The following CGNL1 variants were observed in gnomAD, a reference collection of about 807,000 sequenced individuals.
The protein encoded by CGNL1 is cingulin like 1.
Under a neutral mutation model 141.2 loss-of-function variants are expected in CGNL1, and 132 were observed. That is an observed-to-expected ratio of 0.93 (90% CI 0.81 to 1.08). The LOEUF is 1.08. CGNL1 is among the 50% of genes least tolerant of loss of function. The probability of loss-of-function intolerance (pLI) is 0.00; values close to 1 mark genes in which losing one functional copy is unlikely to be tolerated. For synonymous variants in CGNL1, 690 were observed against 622.1 expected, an observed-to-expected ratio of 1.11 and a Z score of -1.63; for missense variants, 1,870 against 1,588.6, an observed-to-expected ratio of 1.18 and a Z score of -3.01.
intron 4 of CGNL1, among the ~76,000 whole-genome samples, chr15:57,446,633 A>T (rs1242061812): frequency 3.4e-5 from 5 of 146,672 alleles, no homozygotes; most frequent in Admixed American, 3.4e-4. Flanking sequence ...TCTGGTATTT[A>T]GCTGCTAGGT....
chr15:57,514,440 C>A (rs185536505), intron 8 of CGNL1, among the ~76,000 whole-genome samples: 1 of 152,252 alleles, frequency 6.6e-6, no homozygotes, highest in East Asian at 1.9e-4. Flanking sequence ...CGTAACCCAC[C>A]GCACCTGGCC....
intron 4 of CGNL1, among the ~76,000 whole-genome samples, chr15:57,449,258 C>T (rs2063293378): frequency 6.6e-6 from 1 of 152,158 alleles, no homozygotes; most frequent in Non-Finnish European, 1.5e-5. Flanking sequence ...ATTGTAGGTT[C>T]TTGGAACTTC....
rs1304404577 is a variant in CGNL1 at position 57,550,155 on chromosome 15, C to G, written c.*2665C>G. The G allele has an allele frequency of 6.6e-6, 1 of 152,246 alleles. No individual in the cohort carries two copies. The highest frequency in any genetic ancestry group is 1.5e-5 in the Non-Finnish European group (1 of 68,038). 9.4% of individuals were successfully genotyped at this position (152,246 alleles called of 1,614,324 possible). On this transcript the variant is annotated 3_prime_UTR_variant, in exon 19 of 19. Transcript: ENST00000281282. ...TATGCGTTTTGACAATTGCGCTATC[C>G]TACACTCTGAGGGAGTTGGCAACGC... is the stretch of plus-strand genomic sequence containing the variant.
At chr15:57,394,099 C>CTTTTTTTTTTTT (rs1555429893) in intron 1 of CGNL1, 5 of 34,168 alleles carry the variant, frequency 1.5e-4, no homozygotes, top group Admixed American at 7.2e-4. Flanking sequence ...AGGGTAATTT[C>CTTTTTTTTTTTT]TGTTTGTTTT....
intron 17 of CGNL1, 110 bp from the exon 18 acceptor site, chr15:57,545,966 C>T: frequency 8.2e-7 from 1 of 1,226,576 alleles, no homozygotes; most frequent in Non-Finnish European, 1.1e-6. Flanking sequence ...CTGGCTGCCC[C>T]ATTGCCCATG....
At chr15:57,470,154 T>C (rs1595737966) in intron 8 of CGNL1, among the ~76,000 whole-genome samples, 1 of 151,660 alleles carries the variant, frequency 6.6e-6, no homozygotes, top group Non-Finnish European at 1.5e-5. Context: ...ATATCTCTTT[T>C]CCACAGACTC....
intron 8 of CGNL1, among the ~76,000 whole-genome samples, chr15:57,515,710 T>G (rs16977560): frequency 0.12 from 18,694 of 152,184 alleles, 1,814 homozygotes; most frequent in East Asian, 0.45. Context: ...ATAACCACCC[T>G]GAGATTGTCA....
At chr15:57,531,814 C>A in intron 14 of CGNL1, 35 bp downstream of exon 14, 2 of 1,352,618 alleles carry the variant, frequency 1.5e-6, no homozygotes, top group Non-Finnish European at 1.1e-6. Flanking sequence ...CGTGGATTGT[C>A]CTGTGTGAAA....
At chr15:57,420,988 A>G (rs2062907808) in intron 1 of CGNL1, among the ~76,000 whole-genome samples, 1 of 152,252 alleles carries the variant, frequency 6.6e-6, no homozygotes, top group African/African-American at 2.4e-5. Flanking sequence ...TTAAAATCCT[A>G]ACTCCCAAGG....
intron 8 of CGNL1, among the ~76,000 whole-genome samples, chr15:57,502,432 A>T: frequency 6.6e-6 from 1 of 152,174 alleles, no homozygotes; most frequent in East Asian, 1.9e-4. Context: ...GGTGGAAGGA[A>T]GTGTTAGAAA....
chr15:57,415,050 G>A (rs373455523), intron 1 of CGNL1, among the ~76,000 whole-genome samples: 2 of 152,326 alleles, frequency 1.3e-5, no homozygotes, highest in African/African-American at 4.8e-5. Context: ...TGGAACCCAT[G>A]GCAGGAGGCA....
At chr15:57,461,615 A>G (rs1480783888) in intron 7 of CGNL1, 65 bp from the exon 8 acceptor site, 6 of 1,353,704 alleles carry the variant, frequency 4.4e-6, no homozygotes, top group Non-Finnish European at 6.3e-6. Context: ...ACTGGAGGGG[A>G]GATACAGGGC....
At chr15:57,481,182 A>T (rs187282646) in intron 8 of CGNL1, among the ~76,000 whole-genome samples, 2 of 151,636 alleles carry the variant, frequency 1.3e-5, no homozygotes, top group Admixed American at 1.3e-4. Context: ...ATACAGCTAG[A>T]TGCCATATAC....
chr15:57,510,904 C>T (rs1248302152), intron 8 of CGNL1, among the ~76,000 whole-genome samples: 1 of 152,152 alleles, frequency 6.6e-6, no homozygotes, highest in Non-Finnish European at 1.5e-5. Flanking sequence ...TGTACAGCTG[C>T]TCCTGGGGCT....
rs2031784304 is a variant in CGNL1, at chr15:57,528,840, T to C, written c.3201+25T>C. ...GGTCTGTGGGCCGTACAGTGTGAGC[T>C]GGGGGACCTGCAGAGAGCGAGGCTG... On this transcript the variant is annotated intron_variant, in intron 13 of 18. Coordinates refer to ENST00000281282, the MANE Select transcript of CGNL1 (RefSeq NM_032866.5). 1.9e-6 allele frequency: 3 copies of C among 1,610,388 alleles called. No homozygotes were observed. The South Asian group carries it at 3.3e-5, about 18-fold the overall frequency.
chr15:57,381,462 G>A (rs963719157), intron 1 of CGNL1, among the ~76,000 whole-genome samples: 3 of 152,160 alleles, frequency 2.0e-5, no homozygotes, highest in African/African-American at 7.2e-5. Flanking sequence ...TCTGGAGGTC[G>A]AGATGGGAGG....
At chr15:57,461,966 A>G (rs1228022188) in intron 8 of CGNL1, 74 bp downstream of exon 8, 6 of 1,065,974 alleles carry the variant, frequency 5.6e-6, no homozygotes, top group Non-Finnish European at 8.7e-6. Flanking sequence ...CACCACTGCA[A>G]ATCCCCTTCA....
Position 57,439,299 on chromosome 15 carries a change from C to T in CGNL1, c.1300C>T (p.Arg434Cys), listed in dbSNP as rs762744132. 2 of 1,614,096 alleles carry T rather than the reference C, an allele frequency of 1.2e-6. No individual in the cohort carries two copies. The highest frequency in any genetic ancestry group is 8.5e-7 in the Non-Finnish European group (1 of 1,180,042). ...CCCGCAGCGGCCACTGTCTCAGGAG[C>T]GCCGTGGGAAACAGAGCGTGGGCCG... ...VCPQRPLSQE[R>C]RGKQSVGRTF... The change falls in exon 2 of 19, where the codon CGC becomes TGC. Residue 434 changes from arginine to cysteine, a missense_variant. By Grantham distance (180) the Arg-to-Cys change is radical. Transcript: ENST00000281282.
At chr15:57,393,265 C>T (rs550595029) in intron 1 of CGNL1, among the ~76,000 whole-genome samples, 9 of 152,274 alleles carry the variant, frequency 5.9e-5, no homozygotes, top group Admixed American at 2.6e-4. Flanking sequence ...CAATGGCCAC[C>T]GGATACCCAC....
Sources: allele counts gnomAD v4.1 joint callset (sites outside exome capture counted in the v4.1 genomes callset), GRCh38; gene constraint gnomAD v4.1.1; transcripts MANE v1.5; gene names NCBI Gene and HGNC (gene_info 2026-07-23, HGNC 2026-07-21).